PDE4D: variants seen among roughly 807,000 people sequenced by gnomAD.
PDE4D encodes the protein 3',5'-cyclic-AMP phosphodiesterase 4D.
Under a neutral mutation model 87.4 loss-of-function variants are expected in PDE4D, and 24 were observed. That is an observed-to-expected ratio of 0.27 (90% CI 0.20 to 0.39). PDE4D has a LOEUF of 0.39. Ranked by LOEUF, PDE4D falls within the 10% of genes least tolerant of loss-of-function variation. The pLI is 1.00. For synonymous variants in PDE4D, 384 were observed against 383.2 expected, an observed-to-expected ratio of 1.00 and a Z score of -0.02; for missense variants, 714 against 1,041.0, an observed-to-expected ratio of 0.69 and a Z score of 4.32.
chr5:60,075,602 T>C (rs932344369), intron 2 of PDE4D, among the ~76,000 whole-genome samples: 7 of 152,202 alleles, frequency 4.6e-5, no homozygotes, highest in African/African-American at 1.7e-4. Flanking sequence ...GAAATATGTT[T>C]TCCAAGTTTC....
Position 59,531,681 on chromosome 5 carries a change from C to G in PDE4D, c.456-315713G>C, listed in dbSNP as rs112245210. Among the ~76,000 whole-genome samples, 285 of 152,206 alleles carry G rather than the reference C, an allele frequency of 1.9e-3. 3 individuals are homozygous for G. The highest frequency in any genetic ancestry group is 6.6e-3 in the African/African-American group (275 of 41,512). The stretch of plus-strand genomic sequence containing the variant: ...CCCCTTCTTTCATTTCCAAAGCCAA[C>G]AAAGTTGCATCTGTCTGACCCTTTT... On this transcript the variant is annotated intron_variant, in intron 1 of 14. Transcript: ENST00000340635.
intron 5 of PDE4D, among the ~76,000 whole-genome samples, chr5:59,064,077 A>C (rs1763530791): frequency 6.6e-6 from 1 of 151,938 alleles, no homozygotes; most frequent in Admixed American, 6.6e-5. Flanking sequence ...ATGAGAAAAA[A>C]ATATACTTTT....
intron 1 of PDE4D, among the ~76,000 whole-genome samples, chr5:59,425,469 A>G (rs1204799634): frequency 6.6e-6 from 1 of 152,136 alleles, no homozygotes; most frequent in Non-Finnish European, 1.5e-5. Context: ...ACTTATTACA[A>G]TAAAAAAAGT....
chr5:59,601,646 T>A (rs1012089066), intron 1 of PDE4D, among the ~76,000 whole-genome samples: 2 of 152,118 alleles, frequency 1.3e-5, no homozygotes, highest in African/African-American at 4.8e-5. Context: ...TCAGCACTTT[T>A]GAGACTGCCC....
chr5:60,188,498 C>A (rs1273866864), intron 1 of PDE4D: 1 of 152,074 alleles, frequency 6.6e-6, no homozygotes, highest in Non-Finnish European at 1.5e-5. Flanking sequence ...TCCCCACTAA[C>A]CAAATGCAAG....
chr5:60,438,914 T>C (rs907340860), intron 1 of PDE4D, among the ~76,000 whole-genome samples: 1 of 152,138 alleles, frequency 6.6e-6, no homozygotes, highest in Non-Finnish European at 1.5e-5. Flanking sequence ...TTGGTAAATT[T>C]GGTAACTGCT....
intron 1 of PDE4D, among the ~76,000 whole-genome samples, chr5:60,503,743 T>C (rs1750202148): frequency 6.6e-6 from 1 of 152,194 alleles, no homozygotes; most frequent in African/African-American, 2.4e-5. Flanking sequence ...AGCACATAAA[T>C]ATTAACAATG....
chr5:59,174,502 A>G (rs1213660391), intron 5 of PDE4D: 1 of 152,662 alleles, frequency 6.6e-6, no homozygotes, highest in Non-Finnish European at 1.5e-5. Flanking sequence ...TTCCAAAGTC[A>G]AAATCCAGAA....
intron 2 of PDE4D, among the ~76,000 whole-genome samples, chr5:60,176,937 A>G (rs2149491852): frequency 6.6e-6 from 1 of 152,262 alleles, no homozygotes; most frequent in South Asian, 2.1e-4. Context: ...TGTAGGATAT[A>G]AGAAGAAAGA....
intron 1 of PDE4D, among the ~76,000 whole-genome samples, chr5:59,256,944 C>T (rs1304798875): frequency 6.6e-6 from 1 of 151,898 alleles, no homozygotes; most frequent in Non-Finnish European, 1.5e-5. Context: ...TTTGTATCAA[C>T]ATACTGTCAA....
intron 1 of PDE4D, among the ~76,000 whole-genome samples, chr5:59,354,927 T>C (rs1400761992): frequency 6.6e-6 from 1 of 152,090 alleles, no homozygotes; most frequent in Non-Finnish European, 1.5e-5. Context: ...GCAGCACATA[T>C]AAAAAAATTA....
chr5:59,153,289 G>A (rs752904537), intron 5 of PDE4D, among the ~76,000 whole-genome samples: 49 of 152,222 alleles, frequency 3.2e-4, no homozygotes, highest in Non-Finnish European at 4.7e-4. Flanking sequence ...AATGCTACTC[G>A]GACACACCAA....
At chr5:60,491,560 C>A (rs910579186), upstream of PDE4D, 23 of 152,214 alleles carry the variant, frequency 1.5e-4, no homozygotes, top group African/African-American at 5.5e-4. Flanking sequence ...CAAAACTCTT[C>A]TAGGTAATGA....
intron 1 of PDE4D, among the ~76,000 whole-genome samples, chr5:59,255,389 T>C (rs1760779290): frequency 6.6e-6 from 1 of 152,048 alleles, no homozygotes; most frequent in Non-Finnish European, 1.5e-5. Flanking sequence ...AGATTAGCCG[T>C]TGCCTAGAGC....
chr5:59,515,900 C>T (rs933738845), intron 1 of PDE4D, among the ~76,000 whole-genome samples: 1 of 152,064 alleles, frequency 6.6e-6, no homozygotes, highest in Non-Finnish European at 1.5e-5. Flanking sequence ...ATCAGTCAAT[C>T]GATGGTGTGG....
chr5:59,362,713 C>G (rs1257233021), intron 1 of PDE4D, among the ~76,000 whole-genome samples: 3 of 152,070 alleles, frequency 2.0e-5, no homozygotes, highest in African/African-American at 7.2e-5. Context: ...TGGCCACGTA[C>G]CAAATAAGGA....
At chr5:59,427,326 C>CAT (rs1001883527) in intron 1 of PDE4D, among the ~76,000 whole-genome samples, 4 of 151,386 alleles carry the variant, frequency 2.6e-5, no homozygotes, top group Non-Finnish European at 5.9e-5. Context: ...CACACACACA[C>CAT]ACACACACAC....
intron 1 of PDE4D, among the ~76,000 whole-genome samples, chr5:59,236,804 A>AGAAG (rs959411911): frequency 2.7e-4 from 41 of 151,930 alleles, no homozygotes; most frequent in African/African-American, 9.7e-4. Context: ...AGAGAGGGAG[A>AGAAG]GAAGGAAGGA....
At chr5:60,202,882 A>G (rs1742083913) in intron 1 of PDE4D, among the ~76,000 whole-genome samples, 1 of 152,206 alleles carries the variant, frequency 6.6e-6, no homozygotes, top group Non-Finnish European at 1.5e-5. Context: ...CAAAAGCCTG[A>G]TAAACACACA....
Sources: allele counts gnomAD v4.1 joint callset (sites outside exome capture counted in the v4.1 genomes callset), GRCh38; gene constraint gnomAD v4.1.1; transcripts MANE v1.5; gene names NCBI Gene and HGNC (gene_info 2026-07-23, HGNC 2026-07-21).